The following FAM234B variants were observed in gnomAD, a reference collection of about 807,000 sequenced individuals.
FAM234B encodes the protein protein FAM234B.
Under a neutral mutation model 69.3 loss-of-function variants are expected in FAM234B, and 33 were observed. That is an observed-to-expected ratio of 0.48 (90% CI 0.36 to 0.64). The LOEUF is 0.64. Among genes scored for constraint, FAM234B ranks in the 30% least tolerant of loss-of-function variants. The probability of loss-of-function intolerance (pLI) is 0.00; values close to 1 mark genes in which losing one functional copy is unlikely to be tolerated. For synonymous variants in FAM234B, 306 were observed against 306.9 expected (o/e 1.00, Z 0.03); for missense variants, 697 against 769.7 (o/e 0.91, Z 1.12).
chr12:13,053,592 A>T (rs2120451900), intron 1 of FAM234B, among the ~76,000 whole-genome samples: 1 of 152,290 alleles, frequency 6.6e-6, no homozygotes, highest in South Asian at 2.1e-4. Context: ...AACAGGGAGT[A>T]GGTCACAAAG....
Position 13,066,776 on chromosome 12 carries a change from T to A in FAM234B, c.989T>A (p.Leu330Gln). ...YITTNGAVYI[L>Q]FGFGNIQAVA... ...ACCACAAATGGGGCTGTCTACATCC[T>A]GTTTGGCTTTGGTAAGAAGCAAGGC... Residue 330 changes from leucine (L) to glutamine (Q), a missense_variant, in exon 6 of 13, where the codon CTG (leucine) becomes CAG (glutamine). Leu to Gln is a moderately radical substitution (Grantham distance 113). This residue lies in a region of FAM234B where 380 missense variants were observed against 447.1 expected (regional missense o/e 0.85). Transcript: ENST00000197268. 2 of 1,612,298 alleles carry A rather than the reference T, an allele frequency of 1.2e-6. No homozygotes were observed. The highest frequency in any genetic ancestry group is 1.7e-6 in the Non-Finnish European group (2 of 1,179,260).
intron 3 of FAM234B, among the ~76,000 whole-genome samples, chr12:13,059,196 A>G (rs1378265227): frequency 6.6e-6 from 1 of 152,172 alleles, no homozygotes; most frequent in Admixed American, 6.5e-5. Flanking sequence ...CGCCGGGGTC[A>G]CTGCAGAATG....
chr12:13,069,156 TGC>T (rs1460489261), intron 9 of FAM234B, among the ~76,000 whole-genome samples: 2 of 152,168 alleles, frequency 1.3e-5, no homozygotes, highest in Admixed American at 1.3e-4. Flanking sequence ...CAGGAAAACA[TGC>T]CAGGTCAGGG....
rs1864998352 is a variant in FAM234B, at chr12:13,062,876, C to T, written c.753C>T (p.Tyr251=). 1.9e-6 allele frequency: 3 copies of T among 1,613,934 alleles called. No individual in the cohort carries two copies. Among genetic ancestry groups the T allele is most frequent in the South Asian group, 2.2e-5 (2 of 91,080 alleles). ...CCATTTGGACTTTAAACCCAAACTA[C>T]TTGTCCAACGGTACCTTGGCTGCCC... ...GKAIWTLNPN[Y]LSNGTLAAPV... Residue 251 remains tyrosine, a synonymous_variant, in exon 5 of 13, where the codon TAC becomes TAT. Transcript: ENST00000197268.
intron 11 of FAM234B, among the ~76,000 whole-genome samples, chr12:13,077,691 T>C (rs568219650): frequency 1.3e-5 from 2 of 152,028 alleles, no homozygotes; most frequent in East Asian, 3.9e-4. Context: ...TTTGGGTTGG[T>C]TCCAAGTCTT....
rs532141798 is a variant in FAM234B at position 13,054,002 on chromosome 12, C to T, written c.38-1549C>T. On this transcript the variant is annotated intron_variant, in intron 1 of 12. Coordinates refer to ENST00000197268, the MANE Select transcript of FAM234B (RefSeq NM_020853.2). ...AAGAAAAATATGGCTCTATTCTACC[C>T]GACCCCGCAGGCAGTCAGACCTTAT... Among the ~76,000 whole-genome samples the T allele has an allele frequency of 4.6e-5, 7 of 152,202 alleles. 1 individual carries two copies. The highest frequency in any genetic ancestry group is 8.8e-5 in the Non-Finnish European group (6 of 68,038).
Position 13,066,752 on chromosome 12 carries a change from C to G in FAM234B, c.965C>G (p.Thr322Ser). 1 of 1,613,962 alleles carries G rather than the reference C, an allele frequency of 6.2e-7. No homozygotes were observed. Among genetic ancestry groups the G allele is most frequent in the South Asian group, 1.1e-5 (1 of 91,052 alleles). ...CTGATTGGTCCTCAGGTTTACATCA[C>G]CACAAATGGGGCTGTCTACATCCTG... ...GNLIGPQVYI[T>S]TNGAVYILFG... Residue 322 changes from threonine (T) to serine (S), a missense_variant, in exon 6 of 13, where the codon ACC becomes AGC. Physicochemically the swap from Thr to Ser is moderately conservative, Grantham distance 58. This residue lies in a region of FAM234B where 380 missense variants were observed against 447.1 expected (regional missense o/e 0.85). Transcript: ENST00000197268.
chr12:13,063,308 G>A (rs989008626), intron 5 of FAM234B, among the ~76,000 whole-genome samples: 4 of 152,084 alleles, frequency 2.6e-5, no homozygotes, highest in African/African-American at 9.7e-5. Flanking sequence ...ATGTAAAAAA[G>A]GCATGTTATA....
Position 13,061,377 on chromosome 12 carries a change from C to G in FAM234B, c.533-198C>G, listed in dbSNP as rs564152703. Among the ~76,000 whole-genome samples, 3 of 152,274 alleles carry G rather than the reference C, an allele frequency of 2.0e-5. No homozygotes were observed. The South Asian group carries it at 6.2e-4, about 32-fold the overall frequency. ...AGAGGAGGCCACAGCTCTTGTCTTA[C>G]ATGAGAAGCGTGTTCAGCAAAGATG... On this transcript the variant is annotated intron_variant, in intron 3 of 12. Coordinates refer to ENST00000197268, the MANE Select transcript of FAM234B (RefSeq NM_020853.2).
intron 5 of FAM234B, 87 bp from the exon 6 acceptor site, chr12:13,066,553 G>A (rs1355973958): frequency 1.1e-5 from 15 of 1,408,486 alleles, no homozygotes; most frequent in Non-Finnish European, 1.4e-5. Context: ...CGTGGCTTAT[G>A]AGGAGGCAGT....
Position 13,080,799 on chromosome 12 carries a change from A to C in FAM234B, c.*169A>C. 1 of 553,676 alleles carries C rather than the reference A, an allele frequency of 1.8e-6. No homozygotes were observed. Among genetic ancestry groups the C allele is most frequent in the East Asian group, 3.1e-5 (1 of 32,368 alleles). The allele number at this position is 553,676 out of a possible 1,614,324, so 34.3% of individuals were successfully genotyped here. ...GCATGTTGGAGTCTTTGACGGCAGC[A>C]TGATCTATTTGGCTGGGGCATCTTA... On this transcript the variant is annotated 3_prime_UTR_variant, in exon 13 of 13. Coordinates refer to ENST00000197268, the MANE Select transcript of FAM234B (RefSeq NM_020853.2).
chr12:13,073,130 A>G (rs1024591541), intron 10 of FAM234B, among the ~76,000 whole-genome samples: 37 of 151,420 alleles, frequency 2.4e-4, no homozygotes, highest in African/African-American at 8.7e-4. Context: ...CATTTTAAGC[A>G]GATGTTATCA....
At chr12:13,069,558 G>A (rs923256174) in intron 9 of FAM234B, among the ~76,000 whole-genome samples, 4 of 152,156 alleles carry the variant, frequency 2.6e-5, no homozygotes, top group Admixed American at 6.5e-5. Flanking sequence ...GTGGAGGTTC[G>A]CACAGGGGTC....
At chr12:13,060,020 C>G (rs1311986119) in intron 3 of FAM234B, among the ~76,000 whole-genome samples, 1 of 152,198 alleles carries the variant, frequency 6.6e-6, no homozygotes, top group African/African-American at 2.4e-5. Context: ...TGTGTTAATA[C>G]ACCATTGTCA....
Position 13,067,171 on chromosome 12 carries a change from C to T in FAM234B, c.1017C>T (p.Val339=), listed in dbSNP as rs184515827. 142 of 1,613,964 alleles carry T rather than the reference C, an allele frequency of 8.8e-5. No individual in the cohort carries two copies. In the East Asian group the frequency reaches 2.7e-3, roughly 30 times the overall value. The change falls in exon 7 of 13, where the codon GTC becomes GTT. Residue 339 remains valine (V), a synonymous_variant. Coordinates refer to ENST00000197268, the MANE Select transcript of FAM234B (RefSeq NM_020853.2). The surrounding 1 kb of genome is among the most constrained non-coding windows in gnomAD (Gnocchi z 4.7). The part of the protein sequence containing the change: ...ILFGFGNIQA[V]ALRDIFVQAQ... ...TGGTGCTAGGAAATATACAAGCTGT[C>T]GCACTGCGGGACATTTTTGTTCAGG...
chr12:13,049,378 C>A (rs1458311615), intron 1 of FAM234B, among the ~76,000 whole-genome samples: 1 of 152,210 alleles, frequency 6.6e-6, no homozygotes, highest in Non-Finnish European at 1.5e-5. Context: ...CGGGGTCTCG[C>A]CACGTTGGCC....
Position 13,079,789 on chromosome 12 carries a change from T to C in FAM234B, c.1643T>C (p.Val548Ala), listed in dbSNP as rs1256605103. 2.5e-6 allele frequency: 4 copies of C among 1,607,356 alleles called. No homozygotes were observed. Among genetic ancestry groups the C allele is most frequent in the East Asian group, 2.2e-5 (1 of 44,816 alleles). ...TGCTCTTGTTTTTGTCCTTCCTCAG[T>C]TGGAATTAACGACCTCTGGAAAGAT... ...NTTGTVTASE[V>A]GINDLWKDAF... Residue 548 changes from valine to alanine, a missense_variant and splice_region_variant, in exon 12 of 13, where the codon GTT becomes GCT. Physicochemically the swap from Val to Ala is moderately conservative, Grantham distance 64. This residue lies in a region of FAM234B where 313 missense variants were observed against 305.5 expected (regional missense o/e 1.02). Transcript: ENST00000197268.
At chr12:13,068,841 C>T (rs1409831222) in intron 9 of FAM234B, 130 bp downstream of exon 9, 5 of 601,598 alleles carry the variant, frequency 8.3e-6, no homozygotes, top group Non-Finnish European at 1.5e-5. Context: ...AACTCAAAGT[C>T]TCATTGAGTG....
intron 10 of FAM234B, among the ~76,000 whole-genome samples, chr12:13,073,464 A>G (rs140707493): frequency 3.9e-5 from 6 of 152,112 alleles, no homozygotes; most frequent in East Asian, 1.9e-4. Context: ...TACTGTCATG[A>G]CTTTTGCTGT....
Sources: gnomAD v4.1 joint callset for allele counts (sites outside exome capture counted in the v4.1 genomes callset) on GRCh38, gnomAD v4.1.1 for gene constraint, gnomAD v4.1.1 regional missense constraint, Gnocchi (gnomAD v3.1) non-coding constraint, MANE v1.5 for transcripts, NCBI Gene and HGNC (gene_info 2026-07-23, HGNC 2026-07-21) for gene names.